The following GREB1L variants were observed in gnomAD, a reference collection of about 807,000 sequenced individuals.
GREB1L encodes the protein GREB1-like protein.
GREB1L carries 17 observed loss-of-function variants against 200.8 expected under a neutral mutation model. The observed-to-expected ratio is 0.08, with a 90% confidence interval of 0.06 to 0.13. The LOEUF (loss-of-function observed/expected upper bound fraction) is 0.13, where lower values mean the gene tolerates loss of function less well. Among genes scored for constraint, GREB1L ranks in the 10% least tolerant of loss-of-function variants. The probability of loss-of-function intolerance (pLI) is 1.00; values close to 1 mark genes in which losing one functional copy is unlikely to be tolerated. For missense variants in GREB1L, 1,657 were observed against 2,367.7 expected (o/e 0.70, Z 6.23); for synonymous variants, 789 against 893.0 (o/e 0.88, Z 2.08).
intron 1 of GREB1L, among the ~76,000 whole-genome samples, chr18:21,359,539 G>A (rs1453122522): frequency 2.6e-5 from 4 of 152,156 alleles, no homozygotes; most frequent in African/African-American, 9.7e-5. Context: ...TTTGGTATTA[G>A]ACTTCAAAGT....
intron 5 of GREB1L, among the ~76,000 whole-genome samples, chr18:21,399,573 G>A (rs935542022): frequency 3.3e-5 from 5 of 152,108 alleles, no homozygotes; most frequent in South Asian, 2.1e-4. Flanking sequence ...TTTTTTTGGC[G>A]GGGAGGGGCT....
chr18:21,244,519 G>A (rs2037564028), intron 1 of GREB1L, among the ~76,000 whole-genome samples: 2 of 152,102 alleles, frequency 1.3e-5, no homozygotes, highest in Non-Finnish European at 2.9e-5. Flanking sequence ...TTAGATAAAG[G>A]AATTGAACTA....
chr18:21,375,311 C>T (rs967357717), intron 2 of GREB1L, among the ~76,000 whole-genome samples: 1 of 152,114 alleles, frequency 6.6e-6, no homozygotes, highest in Non-Finnish European at 1.5e-5. Flanking sequence ...ATTCATCCAC[C>T]TCAGCCTCCC....
intron 7 of GREB1L, among the ~76,000 whole-genome samples, chr18:21,419,428 C>T (rs1165045513): frequency 6.6e-6 from 1 of 152,068 alleles, no homozygotes; most frequent in Non-Finnish European, 1.5e-5. Context: ...TAGAAATAAA[C>T]CCGCACATAC....
At chr18:21,285,171 A>G (rs1017733786) in intron 1 of GREB1L, among the ~76,000 whole-genome samples, 5 of 150,710 alleles carry the variant, frequency 3.3e-5, no homozygotes, top group African/African-American at 1.2e-4. Flanking sequence ...TTTAATTTTT[A>G]TCATTTTAAA....
rs1350073360 is a variant in GREB1L at position 21,505,859 on chromosome 18, A to G, written c.4278A>G (p.Val1426=). The G allele has an allele frequency of 1.9e-5, 29 of 1,551,888 alleles. No homozygotes were observed. Among genetic ancestry groups the G allele is most frequent in the Non-Finnish European group, 2.5e-5 (29 of 1,146,954 alleles). The change falls in exon 25 of 33, where the codon GTA becomes GTG. Residue 1426 remains valine, a synonymous_variant. Transcript: ENST00000424526. ...KVEEPRKRET[V]SIMLTKYAAY... is the part of the protein sequence containing the mutation. ...AAGAGCCCAGGAAACGGGAAACTGT[A>G]TCCATAATGCTGACCAAATATGCAG...
intron 1 of GREB1L, among the ~76,000 whole-genome samples, chr18:21,302,879 G>A (rs2038641058): frequency 6.6e-6 from 1 of 152,062 alleles, no homozygotes; most frequent in Non-Finnish European, 1.5e-5. Flanking sequence ...GTGCCACCAT[G>A]CCTGACTAAT....
At chr18:21,320,940 T>C (rs1458189298) in intron 1 of GREB1L, among the ~76,000 whole-genome samples, 1 of 152,106 alleles carries the variant, frequency 6.6e-6, no homozygotes, top group East Asian at 1.9e-4. Flanking sequence ...GGAAAACAAG[T>C]CTGATATTTG....
intron 1 of GREB1L, among the ~76,000 whole-genome samples, chr18:21,330,214 C>T (rs1482472523): frequency 1.3e-5 from 2 of 152,190 alleles, no homozygotes; most frequent in Admixed American, 1.3e-4. Context: ...CCAAGGGCAG[C>T]ACCAACGAGC....
At chr18:21,312,838 C>T (rs899806623) in intron 1 of GREB1L, among the ~76,000 whole-genome samples, 4 of 152,158 alleles carry the variant, frequency 2.6e-5, no homozygotes, top group African/African-American at 7.2e-5. Flanking sequence ...AGGTGTGAGC[C>T]ACTGCACCCG....
intron 4 of GREB1L, among the ~76,000 whole-genome samples, chr18:21,386,949 C>T (rs1257676002): frequency 6.6e-6 from 1 of 152,190 alleles, no homozygotes; most frequent in Non-Finnish European, 1.5e-5. Context: ...TACCACCTTC[C>T]CTTCATGGGA....
chr18:21,462,201 G>T (rs1341881845), intron 15 of GREB1L, among the ~76,000 whole-genome samples: 1 of 152,218 alleles, frequency 6.6e-6, no homozygotes, highest in Non-Finnish European at 1.5e-5. Context: ...ATGTTTTATT[G>T]TGGAGTTGGA....
At chr18:21,249,860 TAA>T (rs78648006) in intron 1 of GREB1L, among the ~76,000 whole-genome samples, 26 of 134,408 alleles carry the variant, frequency 1.9e-4, no homozygotes, top group Admixed American at 2.3e-4. Flanking sequence ...ACTCTGTCTT[TAA>T]AAAAAAAAAA....
At chr18:21,510,334 A>G (rs1172942572) in intron 27 of GREB1L, among the ~76,000 whole-genome samples, 1 of 152,192 alleles carries the variant, frequency 6.6e-6, no homozygotes, top group Non-Finnish European at 1.5e-5. Context: ...GTGAAACAGA[A>G]ACTCTATACC....
chr18:21,475,487 T>C (rs1259648941), intron 16 of GREB1L, among the ~76,000 whole-genome samples: 2 of 151,968 alleles, frequency 1.3e-5, no homozygotes, highest in Non-Finnish European at 2.9e-5. Context: ...GCCTCCTGAG[T>C]AGCTGGGATT....
At chr18:21,508,691 T>G in intron 27 of GREB1L, 100 bp downstream of exon 27, 1 of 789,300 alleles carries the variant, frequency 1.3e-6, no homozygotes, top group Non-Finnish European at 2.0e-6. Flanking sequence ...CTAGAAATTG[T>G]CCTGCCCTCC....
rs928656013 is a variant in GREB1L, at chr18:21,521,459, G to T, written c.5608+636G>T. Among the ~76,000 whole-genome samples the T allele has an allele frequency of 9.2e-5, 14 of 152,234 alleles. No individual in the cohort carries two copies. In the East Asian group the frequency reaches 2.5e-3, roughly 27 times the overall value. On this transcript the variant is annotated intron_variant, in intron 32 of 32. Coordinates refer to ENST00000424526, the MANE Select transcript of GREB1L (RefSeq NM_001142966.3). ...TTATAAAATGACCTTTGAGATCAGT[G>T]AAGAAAGTGAGGTTCAGAACGCTGT...
At chr18:21,501,552 A>G (rs191863146) in intron 23 of GREB1L, among the ~76,000 whole-genome samples, 15 of 152,268 alleles carry the variant, frequency 9.9e-5, no homozygotes, top group African/African-American at 3.1e-4. Flanking sequence ...GTGCCTGCAA[A>G]GGACATGAAC....
chr18:21,345,279 G>C (rs1239057014), intron 1 of GREB1L, among the ~76,000 whole-genome samples: 3 of 152,086 alleles, frequency 2.0e-5, no homozygotes, highest in African/African-American at 7.2e-5. Context: ...TCTTTCTCAG[G>C]GTTCCCTGAA....
Sources: allele counts gnomAD v4.1 joint callset (sites outside exome capture counted in the v4.1 genomes callset), GRCh38; gene constraint gnomAD v4.1.1; transcripts MANE v1.5; gene names NCBI Gene and HGNC (gene_info 2026-07-23, HGNC 2026-07-21).